FAM3B: variants seen among roughly 807,000 people sequenced by gnomAD.
FAM3B encodes the protein FAM3 metabolism regulating signaling molecule B.
Under a neutral mutation model 28.4 loss-of-function variants are expected in FAM3B, and 29 were observed. The observed-to-expected ratio is 1.02, with a 90% confidence interval of 0.76 to 1.39. The LOEUF (loss-of-function observed/expected upper bound fraction) is 1.39. Ranked by LOEUF, FAM3B falls within the 40% of genes most tolerant of loss-of-function variation. The pLI, the probability that FAM3B is intolerant of heterozygous loss-of-function variation, is 0.00. For missense variants in FAM3B, 266 were observed against 293.9 expected (o/e 0.91, Z 0.69); for synonymous variants, 91 against 103.0 (o/e 0.88, Z 0.71).
At chr21:41,332,652 G>T (rs2145810985) in intron 2 of FAM3B, among the ~76,000 whole-genome samples, 1 of 152,226 alleles carries the variant, frequency 6.6e-6, no homozygotes, top group East Asian at 1.9e-4. Flanking sequence ...CTGGTCCTGG[G>T]ATTTTTTTTG....
chr21:41,352,768 T>C (rs536142768), intron 7 of FAM3B, among the ~76,000 whole-genome samples: 1 of 150,522 alleles, frequency 6.6e-6, no homozygotes, highest in East Asian at 1.9e-4. Flanking sequence ...CACTCCAGGC[T>C]GGGCAACATT....
At chr21:41,353,004 A>T (rs1279966390) in intron 7 of FAM3B, among the ~76,000 whole-genome samples, 2 of 152,186 alleles carry the variant, frequency 1.3e-5, no homozygotes, top group Non-Finnish European at 2.9e-5. Flanking sequence ...AAACTCAATT[A>T]TACTTCTCTT....
intron 7 of FAM3B, among the ~76,000 whole-genome samples, chr21:41,356,040 TACACACACACACACACAC>T (rs59345837): frequency 3.5e-4 from 42 of 119,970 alleles, no homozygotes; most frequent in African/African-American, 1.0e-3. Flanking sequence ...AAAAAATACA[TACACACACACACACACAC>T]ACACACACAC....
At position 41,320,894 on chromosome 21, in the gene FAM3B, C is replaced by G. The variant is rs547422682; in HGVS notation, c.20-2029C>G. 2.0e-5 allele frequency: 3 copies of G among 152,346 alleles called. No homozygotes were observed. In the South Asian group the frequency reaches 6.2e-4, roughly 32 times the overall value. 9.4% of individuals were successfully genotyped at this position (152,346 alleles called of 1,614,324 possible). ...GCTTATTTATTCTCCGTTTTCTTCT[C>G]TGTCGTGTCCACATGTTTGTTTTTG... On this transcript the variant is annotated intron_variant, in intron 1 of 7. Coordinates refer to ENST00000357985, the MANE Select transcript of FAM3B (RefSeq NM_058186.4).
At chr21:41,335,968 A>G (rs898878437) in intron 2 of FAM3B, among the ~76,000 whole-genome samples, 1 of 152,180 alleles carries the variant, frequency 6.6e-6, no homozygotes, top group African/African-American at 2.4e-5. Flanking sequence ...TCCCACCAGT[A>G]TTTATATGTT....
intron 2 of FAM3B, among the ~76,000 whole-genome samples, chr21:41,323,837 G>A (rs2088832113): frequency 6.6e-6 from 1 of 152,204 alleles, no homozygotes. Context: ...AGGGCTGTGT[G>A]CCAGTTTGGG....
chr21:41,354,718 A>C (rs896449879), intron 7 of FAM3B, among the ~76,000 whole-genome samples: 4 of 152,192 alleles, frequency 2.6e-5, no homozygotes, highest in Non-Finnish European at 5.9e-5. Flanking sequence ...GAATCAGGAA[A>C]AATAACTAAT....
chr21:41,306,006 G>A (rs1373200577), intron 1 of FAM3B, among the ~76,000 whole-genome samples: 1 of 152,178 alleles, frequency 6.6e-6, no homozygotes, highest in African/African-American at 2.4e-5. Context: ...TATCAACGAA[G>A]TTTATGTAGT....
At position 41,348,706 on chromosome 21, in the gene FAM3B, C is replaced by T. The variant is rs201305246; in HGVS notation, c.600C>T (p.Ser200=). The T allele has an allele frequency of 1.6e-5, 26 of 1,614,178 alleles. No individual in the cohort carries two copies. The highest frequency in any genetic ancestry group is 1.5e-4 in the African/African-American group (11 of 75,040). The change falls in exon 7 of 8, where the codon TCC becomes TCT. Residue 200 remains serine, a synonymous_variant. Coordinates refer to ENST00000357985, the MANE Select transcript of FAM3B (RefSeq NM_058186.4). ...CAGCAAAAGGCTTGGAACTCCCTTC[C>T]GAAATTCAGAGAGAAAAGGTGAGTG... ...FIAAKGLELP[S]EIQREKINHS... is the part of the protein sequence containing the mutation.
chr21:41,317,033 G>A (rs992769212), intron 1 of FAM3B, 135 bp downstream of exon 1: 3 of 797,780 alleles, frequency 3.8e-6, no homozygotes, highest in African/African-American at 3.6e-5. Context: ...CGCCGAGGCT[G>A]GTCTTAGACC....
chr21:41,316,800 C>G (rs1239384764), upstream of FAM3B: 1 of 1,370,532 alleles, frequency 7.3e-7, no homozygotes, highest in African/African-American at 1.5e-5. Flanking sequence ...CCGCCCCTTG[C>G]CTTCCTGACC....
chr21:41,334,188 T>C (rs1049365311), intron 2 of FAM3B, among the ~76,000 whole-genome samples: 1 of 152,220 alleles, frequency 6.6e-6, no homozygotes, highest in African/African-American at 2.4e-5. Context: ...ATGTGCAGCC[T>C]GGCCATGTGG....
chr21:41,346,971 T>A, intron 5 of FAM3B, 42 bp from the exon 6 acceptor site: 3 of 1,576,908 alleles, frequency 1.9e-6, no homozygotes, highest in Non-Finnish European at 2.6e-6. Flanking sequence ...AGAGCCTCAG[T>A]GAACAGCAAA....
chr21:41,346,807 A>G (rs1384783613), intron 5 of FAM3B, among the ~76,000 whole-genome samples: 1 of 151,868 alleles, frequency 6.6e-6, no homozygotes, highest in African/African-American at 2.4e-5. Flanking sequence ...ACGCTGTGCC[A>G]CTCACCTCAG....
At position 41,338,390 on chromosome 21, in the gene FAM3B, A is replaced by G. The variant is rs1394703316; in HGVS notation, c.176A>G (p.Lys59Arg). 1.2e-6 allele frequency: 2 copies of G among 1,614,056 alleles called. No homozygotes were observed. The highest frequency in any genetic ancestry group is 2.7e-5 in the African/African-American group (2 of 74,938). The change falls in exon 3 of 8, where the codon AAA (lysine) becomes AGA (arginine). Residue 59 changes from lysine (K) to arginine (R), a missense_variant. Transcript: ENST00000357985. ...TTATTCATTACAGCTCCAGTCCCCA[A>G]AAGGCAAAAATGTGACCACTGGACT... ...ERPVLKAPVP[K>R]RQKCDHWTPC...
intron 3 of FAM3B, among the ~76,000 whole-genome samples, chr21:41,344,049 G>A (rs1187909628): frequency 6.6e-6 from 1 of 152,218 alleles, no homozygotes; most frequent in African/African-American, 2.4e-5. Context: ...GAGCCCGAGA[G>A]GCAGAGGTTG....
chr21:41,315,516 T>C (rs1458443183), upstream of FAM3B, among the ~76,000 whole-genome samples: 4 of 152,144 alleles, frequency 2.6e-5, no homozygotes, highest in South Asian at 2.1e-4. Flanking sequence ...GAAGGTAAGA[T>C]TGGCGGTCAG....
intron 7 of FAM3B, among the ~76,000 whole-genome samples, chr21:41,350,805 C>T (rs962200185): frequency 2.0e-5 from 3 of 152,220 alleles, no homozygotes; most frequent in African/African-American, 7.2e-5. Flanking sequence ...TTCTCTGCTC[C>T]TTCCCCGGCT....
At chr21:41,331,223 G>T (rs1416926707) in intron 2 of FAM3B, among the ~76,000 whole-genome samples, 1 of 152,048 alleles carries the variant, frequency 6.6e-6, no homozygotes, top group African/African-American at 2.4e-5. Context: ...TTAGTTATTT[G>T]TATGTCTTCT....
Sources: allele counts gnomAD v4.1 joint callset (sites outside exome capture counted in the v4.1 genomes callset), GRCh38; gene constraint gnomAD v4.1.1; transcripts MANE v1.5; gene names NCBI Gene and HGNC (gene_info 2026-07-23, HGNC 2026-07-21).